ATP2C2: variants seen among roughly 807,000 people sequenced by gnomAD.
The protein encoded by ATP2C2 is calcium-transporting ATPase type 2C member 2.
In ATP2C2, 171 loss-of-function variants were observed where a neutral mutation model predicts 110.8. That is an observed-to-expected ratio of 1.54 (90% confidence interval 1.36 to 1.75). The LOEUF (loss-of-function observed/expected upper bound fraction) is 1.75, where lower values mean the gene tolerates loss of function less well. ATP2C2 is among the 40% of genes most tolerant of loss of function. The probability of loss-of-function intolerance (pLI) is 0.00; values close to 1 mark genes in which losing one functional copy is unlikely to be tolerated. For missense variants in ATP2C2, 1,963 were observed against 1,235.0 expected (o/e 1.59, Z -8.84); for synonymous variants, 804 against 508.4 (o/e 1.58, Z -7.82).
chr16:84,435,359 T>C (rs908271259), intron 11 of ATP2C2, among the ~76,000 whole-genome samples: 2 of 152,264 alleles, frequency 1.3e-5, no homozygotes, highest in Non-Finnish European at 2.9e-5. Flanking sequence ...ATGTGGTCTC[T>C]CTGTGTGATC....
At chr16:84,454,206 G>A (rs937155500) in intron 20 of ATP2C2, among the ~76,000 whole-genome samples, 2 of 152,082 alleles carry the variant, frequency 1.3e-5, no homozygotes, top group East Asian at 3.9e-4. Context: ...TGATTCACAG[G>A]GTTGGTAGAG....
intron 7 of ATP2C2, among the ~76,000 whole-genome samples, chr16:84,416,021 A>G (rs981382773): frequency 6.6e-6 from 1 of 152,184 alleles, no homozygotes; most frequent in Non-Finnish European, 1.5e-5. Flanking sequence ...TAAAAATACA[A>G]TAATTAGCTA....
At chr16:84,439,636 G>T (rs1909066041) in intron 13 of ATP2C2, 112 bp downstream of exon 13, 7 of 1,052,850 alleles carry the variant, frequency 6.6e-6, no homozygotes, top group South Asian at 2.8e-5. Context: ...AATAAATTGG[G>T]GTCATCTTAT....
At chr16:84,387,275 G>A (rs180822254) in intron 1 of ATP2C2, among the ~76,000 whole-genome samples, 41 of 152,076 alleles carry the variant, frequency 2.7e-4, no homozygotes, top group African/African-American at 9.2e-4. Flanking sequence ...TAATCCCAGC[G>A]CGTTGGGAGG....
In ATP2C2 at chr16:84,462,079, A is replaced by C; in HGVS notation, c.2672A>C (p.Tyr891Ser). Reference sequence around the variant, plus strand: ...ATCCTGGGGCAGCTGGCGGTCATTTACATCCCCCCGCTGCAGAGGGTCTTC... The same window carrying C: ...ATCCTGGGGCAGCTGGCGGTCATTTCCATCCCCCCGCTGCAGAGGGTCTTC... ...GSILGQLAVI[Y>S]IPPLQRVFQT... Residue 891 changes from tyrosine to serine, a missense_variant, in exon 26 of 27, where the codon TAC (tyrosine) becomes TCC (serine). Transcript: ENST00000262429. 1 of 1,613,944 alleles carries C rather than the reference A, an allele frequency of 6.2e-7. No individual in the cohort carries two copies. Among genetic ancestry groups the C allele is most frequent in the Non-Finnish European group, 8.5e-7 (1 of 1,179,934 alleles).
At chr16:84,442,103 T>A (rs967037592) in intron 14 of ATP2C2, among the ~76,000 whole-genome samples, 2 of 152,052 alleles carry the variant, frequency 1.3e-5, no homozygotes, top group African/African-American at 4.8e-5. Flanking sequence ...ATGTATAAAT[T>A]GAGGTAGAAG....
Position 84,463,795 on chromosome 16 carries a change from C to A in ATP2C2, c.*63C>A, listed in dbSNP as rs1024602987. On this transcript the variant is annotated 3_prime_UTR_variant, in exon 27 of 27. Transcript: ENST00000262429. ...ATCTGGTTGTGACTGTGGCCCCTGC[C>A]GTGTCTCCTCGTCAGGGGAGACTTT... 16 of 1,398,926 alleles carry A rather than the reference C, an allele frequency of 1.1e-5. No homozygotes were observed. Among genetic ancestry groups the A allele is most frequent in the Non-Finnish European group, 1.6e-5 (16 of 987,164 alleles). The allele number at this position is 1,398,926 out of a possible 1,614,324, so 86.7% of individuals were successfully genotyped here.
intron 11 of ATP2C2, among the ~76,000 whole-genome samples, chr16:84,432,887 C>T (rs1010687450): frequency 2.6e-5 from 4 of 152,110 alleles, no homozygotes; most frequent in African/African-American, 9.7e-5. Flanking sequence ...ACCCTCTGAG[C>T]GTGAGGCTGT....
chr16:84,384,191 C>T lies in ATP2C2; in HGVS notation c.100-14308C>T, dbSNP rs112806029. Among the ~76,000 whole-genome samples, 65 of 152,322 alleles carry T rather than the reference C, an allele frequency of 4.3e-4. No homozygotes were observed. In the East Asian group the frequency reaches 7.7e-3, roughly 18 times the overall value. ...CATCCAGTCCACAAGTTCCCATCAG[C>T]GTTGTCCTGGTAACAGGGAAAGGAT... is the stretch of plus-strand genomic sequence containing the variant. On this transcript the variant is annotated intron_variant, in intron 1 of 26. Coordinates refer to ENST00000262429, the MANE Select transcript of ATP2C2 (RefSeq NM_014861.4).
chr16:84,399,081 A>C (rs1905163800), intron 2 of ATP2C2, among the ~76,000 whole-genome samples: 1 of 152,216 alleles, frequency 6.6e-6, no homozygotes, highest in Non-Finnish European at 1.5e-5. Flanking sequence ...CAAGTTTCTC[A>C]AGTGAGTTTG....
intron 20 of ATP2C2, 94 bp from the exon 21 acceptor site, chr16:84,454,724 C>G (rs1456305910): frequency 7.5e-7 from 1 of 1,337,230 alleles, no homozygotes; most frequent in Non-Finnish European, 1.0e-6. Flanking sequence ...GCCCTCCAGA[C>G]AGAGGTGTCT....
chr16:84,401,976 T>C (rs1905354161), intron 2 of ATP2C2, among the ~76,000 whole-genome samples: 1 of 152,212 alleles, frequency 6.6e-6, no homozygotes, highest in Admixed American at 6.5e-5. Context: ...GGAATATCTT[T>C]CCATTTTTCT....
rs753279328 is a variant in ATP2C2, at chr16:84,446,363, G to GA, written c.1443dup (p.Glu482ArgfsTer20). ...AGTGATATTAAAAATTCATATATAA[G>GA]AAAAAAAGAGATTCCATTCAGTTCA... On this transcript the variant is annotated frameshift_variant, in exon 16 of 27. Transcript: ENST00000262429. LOFTEE classifies it high-confidence loss of function. 1 of 1,601,220 alleles carries GA rather than the reference G, an allele frequency of 6.2e-7. No individual in the cohort carries two copies. The highest frequency in any genetic ancestry group is 2.2e-5 in the East Asian group (1 of 44,492).
intron 7 of ATP2C2, among the ~76,000 whole-genome samples, chr16:84,421,267 C>A (rs58084014): frequency 0.2 from 30,665 of 152,188 alleles, 3,389 homozygotes; most frequent in Non-Finnish European, 0.25. Flanking sequence ...ACTGCGCAGC[C>A]GGAGGCCTCG....
intron 11 of ATP2C2, among the ~76,000 whole-genome samples, chr16:84,437,809 C>T (rs528925249): frequency 6.6e-6 from 1 of 152,236 alleles, no homozygotes; most frequent in Admixed American, 6.5e-5. Context: ...AGCCACCACC[C>T]CCTGCCTAGA....
In ATP2C2 at chr16:84,439,367, G is replaced by A. The variant is rs561833219; in HGVS notation, c.1112-60G>A. 6.0e-5 allele frequency: 97 copies of A among 1,611,498 alleles called. 2 individuals are homozygous for A. The East Asian group carries it at 1.9e-3, about 32-fold the overall frequency. Reference sequence around the variant, plus strand: ...TGGCTGTCAGGGCAATCCAGCCTGGGGGTTTCACAAGCCTGAGGATGGCAA... The same window carrying A: ...TGGCTGTCAGGGCAATCCAGCCTGGAGGTTTCACAAGCCTGAGGATGGCAA... On this transcript the variant is annotated intron_variant, in intron 12 of 26. Coordinates refer to ENST00000262429, the MANE Select transcript of ATP2C2 (RefSeq NM_014861.4).
chr16:84,453,050 T>C, intron 18 of ATP2C2, 88 bp from the exon 19 acceptor site: 1 of 1,334,894 alleles, frequency 7.5e-7, no homozygotes, highest in Non-Finnish European at 1.0e-6. Context: ...GTTTTATTCT[T>C]GGTGTTCCCC....
rs748230065 is a variant in ATP2C2, at chr16:84,452,033, G to C, written c.1773G>C (p.Glu591Asp). Reference protein sequence around the residue: ...GVKEAVQVLSESGVSVKMITG... With the variant: ...GVKEAVQVLSDSGVSVKMITG... ...AGGAAGCAGTCCAGGTTCTCTCCGAGTCTGGTGTGTCTGTGAAGATGATAA... is the reference window on the plus strand; with the variant it reads ...AGGAAGCAGTCCAGGTTCTCTCCGACTCTGGTGTGTCTGTGAAGATGATAA... Residue 591 changes from glutamate (E) to aspartate (D), a missense_variant, in exon 18 of 27, where the codon GAG (glutamate) becomes GAC (aspartate). Coordinates refer to ENST00000262429, the MANE Select transcript of ATP2C2 (RefSeq NM_014861.4). The C allele has an allele frequency of 3.1e-6, 5 of 1,613,740 alleles. No individual in the cohort carries two copies. The highest frequency in any genetic ancestry group is 1.1e-5 in the South Asian group (1 of 91,048).
At chr16:84,458,764 C>G (rs1053809222) in intron 21 of ATP2C2, among the ~76,000 whole-genome samples, 1 of 152,224 alleles carries the variant, frequency 6.6e-6, no homozygotes, top group Non-Finnish European at 1.5e-5. Context: ...GCGTCTCTCT[C>G]TCCTCTTTGG....
Sources: allele counts gnomAD v4.1 joint callset (sites outside exome capture counted in the v4.1 genomes callset), GRCh38; gene constraint gnomAD v4.1.1; transcripts MANE v1.5; gene names NCBI Gene and HGNC (gene_info 2026-07-23, HGNC 2026-07-21).